KIRREL1: variants seen among roughly 807,000 people sequenced by gnomAD.
KIRREL1 encodes kirre like nephrin family adhesion molecule 1, also known as kin of IRRE-like protein 1.
Under a neutral mutation model 83.3 loss-of-function variants are expected in KIRREL1, and 25 were observed. The observed-to-expected ratio is 0.30, with a 90% CI of 0.22 to 0.42. The LOEUF is 0.42. Among genes scored for constraint, KIRREL1 ranks in the 10% least tolerant of loss-of-function variants. The pLI is 1.00. For missense variants in KIRREL1, 812 were observed against 1,032.3 expected (o/e 0.79, Z 2.92); for synonymous variants, 388 against 410.4 (o/e 0.95, Z 0.66).
At chr1:158,086,144 G>A (rs1413337121) in intron 4 of KIRREL1, among the ~76,000 whole-genome samples, 2 of 152,166 alleles carry the variant, frequency 1.3e-5, no homozygotes, top group Non-Finnish European at 2.9e-5. Flanking sequence ...CTAATGCAAG[G>A]TGTTAAGGTG....
At chr1:158,020,250 C>T (rs1659964180) in intron 1 of KIRREL1, among the ~76,000 whole-genome samples, 1 of 152,054 alleles carries the variant, frequency 6.6e-6, no homozygotes, top group Non-Finnish European at 1.5e-5. Flanking sequence ...ATTTTCTCAC[C>T]TCCATACCTA....
chr1:158,034,286 A>AG (rs60428678), intron 1 of KIRREL1, among the ~76,000 whole-genome samples: 2 of 125,704 alleles, frequency 1.6e-5, no homozygotes, highest in African/African-American at 3.2e-5. Context: ...AAAAAAAAAA[A>AG]GAAAAAAAGA....
At chr1:158,008,986 C>T (rs530495747) in intron 1 of KIRREL1, among the ~76,000 whole-genome samples, 1 of 152,214 alleles carries the variant, frequency 6.6e-6, no homozygotes, top group African/African-American at 2.4e-5. Flanking sequence ...GCTCTGCTGT[C>T]ACCTCGGGGC....
At chr1:158,058,708 T>C (rs1281866367) in intron 1 of KIRREL1, among the ~76,000 whole-genome samples, 1 of 152,134 alleles carries the variant, frequency 6.6e-6, no homozygotes, top group African/African-American at 2.4e-5. Context: ...CTCGGGGATC[T>C]TGGTTAGGGA....
At chr1:158,084,923 C>T (rs540430529) in intron 4 of KIRREL1, among the ~76,000 whole-genome samples, 1 of 152,176 alleles carries the variant, frequency 6.6e-6, no homozygotes, top group Non-Finnish European at 1.5e-5. Context: ...GGCATTATTT[C>T]CAACTCACAA....
At chr1:158,003,653 T>C (rs1048624349) in intron 1 of KIRREL1, among the ~76,000 whole-genome samples, 1 of 152,176 alleles carries the variant, frequency 6.6e-6, no homozygotes, top group Non-Finnish European at 1.5e-5. Context: ...TACATTGTGG[T>C]TGATGTTGGA....
chr1:158,051,276 T>C (rs1226921368), intron 1 of KIRREL1, among the ~76,000 whole-genome samples: 1 of 152,216 alleles, frequency 6.6e-6, no homozygotes, highest in Non-Finnish European at 1.5e-5. Context: ...CTTTCCTTCC[T>C]GTGGTCTTTC....
At chr1:157,996,038 C>T (rs1439263598) in intron 1 of KIRREL1, among the ~76,000 whole-genome samples, 3 of 116,428 alleles carry the variant, frequency 2.6e-5, no homozygotes, top group East Asian at 4.8e-4. Flanking sequence ...AGAGAGGAAA[C>T]GGAGGGGGGC....
intron 1 of KIRREL1, among the ~76,000 whole-genome samples, chr1:158,005,599 G>A (rs530117814): frequency 1.3e-5 from 2 of 152,054 alleles, no homozygotes; most frequent in East Asian, 1.9e-4. Flanking sequence ...TGGGAGATGT[G>A]GGGGAAAGAA....
In KIRREL1 at chr1:158,076,152, C is replaced by T. The variant is rs769466372; in HGVS notation, c.92C>T (p.Thr31Met). The stretch of plus-strand genomic sequence containing the variant: ...TTCAGCCAGGAGCCAGCTGACCAGA[C>T]GGTGGTGGCTGGACAGCGGGCCGTG... ...TRFSQEPADQ[T>M]VVAGQRAVLP... The change falls in exon 2 of 15, where the codon ACG becomes ATG. Residue 31 changes from threonine (T) to methionine (M), a missense_variant. Physicochemically the swap from Thr to Met is moderately conservative, Grantham distance 81. This residue lies in a region of KIRREL1 where 472 missense variants were observed against 626.8 expected (regional missense o/e 0.75). Transcript: ENST00000359209. 63 of 1,614,138 alleles carry T rather than the reference C, an allele frequency of 3.9e-5. No homozygotes were observed. The highest frequency in any genetic ancestry group is 1.8e-4 in the East Asian group (8 of 44,850).
At chr1:158,064,628 T>G (rs1558008179) in intron 1 of KIRREL1, among the ~76,000 whole-genome samples, 1 of 152,218 alleles carries the variant, frequency 6.6e-6, no homozygotes, top group Non-Finnish European at 1.5e-5. Flanking sequence ...TTAGAAAATT[T>G]TATGTGAATA....
In KIRREL1 at chr1:158,095,420, G is replaced by A. The variant is rs1662330877; in HGVS notation, c.*300G>A. The stretch of plus-strand genomic sequence containing the variant: ...AAAGTGAAGGTTAGGGAAAGCAGAG[G>A]GGGGCACTTTTTAGCATTCCCTTTC... On this transcript the variant is annotated 3_prime_UTR_variant, in exon 15 of 15. Coordinates refer to ENST00000359209, the MANE Select transcript of KIRREL1 (RefSeq NM_018240.7). 2.5e-5 allele frequency: 8 copies of A among 317,886 alleles called. No homozygotes were observed. In the Admixed American group the frequency reaches 3.3e-4, roughly 13 times the overall value. The allele number at this position is 317,886 out of a possible 1,614,324, so 19.7% of individuals were successfully genotyped here.
At chr1:158,053,490 C>CCAGACTCTT (rs1278615147) in intron 1 of KIRREL1, among the ~76,000 whole-genome samples, 1 of 152,230 alleles carries the variant, frequency 6.6e-6, no homozygotes, top group Non-Finnish European at 1.5e-5. Context: ...CTCAGCCACA[C>CCAGACTCTT]CAGACTCTTC....
intron 2 of KIRREL1, among the ~76,000 whole-genome samples, chr1:158,077,332 A>C: frequency 6.6e-6 from 1 of 152,172 alleles, no homozygotes. Context: ...ATGGAGTGAG[A>C]AGAATCGATA....
chr1:158,061,173 C>T (rs982121488), intron 1 of KIRREL1, among the ~76,000 whole-genome samples: 1 of 152,060 alleles, frequency 6.6e-6, no homozygotes, highest in Non-Finnish European at 1.5e-5. Flanking sequence ...GCAAAGGCTG[C>T]TCGTTGGAAT....
At chr1:158,091,946 GGT>G (rs2101645334) in intron 11 of KIRREL1, among the ~76,000 whole-genome samples, 1 of 152,286 alleles carries the variant, frequency 6.6e-6, no homozygotes, top group South Asian at 2.1e-4. Flanking sequence ...AGAAACTTTC[GGT>G]GTAGTGGAGG....
Position 158,086,565 on chromosome 1 carries a change from A to C in KIRREL1, c.511-31A>C, listed in dbSNP as rs554856265. On this transcript the variant is annotated intron_variant, in intron 4 of 14. Coordinates refer to ENST00000359209, the MANE Select transcript of KIRREL1 (RefSeq NM_018240.7). ...GAGCAGAGGAGGGGGCTTTTAGCTT[A>C]ACCATATCTCCCACCCTTGTCATGT... 5.7e-5 allele frequency: 89 copies of C among 1,548,562 alleles called. 1 individual carries two copies. The highest frequency in any genetic ancestry group is 7.3e-5 in the Non-Finnish European group (84 of 1,144,726).
At chr1:158,044,270 C>A (rs959060178) in intron 1 of KIRREL1, among the ~76,000 whole-genome samples, 1 of 152,088 alleles carries the variant, frequency 6.6e-6, no homozygotes, top group Non-Finnish European at 1.5e-5. Context: ...CCTCCAGAGC[C>A]AGGTCAGGCT....
rs561106732 is a variant in KIRREL1 at position 158,011,500 on chromosome 1, G to A, written c.52+17772G>A. Among the ~76,000 whole-genome samples the A allele has an allele frequency of 9.9e-5, 15 of 152,234 alleles. 1 individual carries two copies. The highest frequency in any genetic ancestry group is 2.9e-4 in the African/African-American group (12 of 41,548). On this transcript the variant is annotated intron_variant, in intron 1 of 14. Transcript: ENST00000359209. ...TGCCTCCTCTGTGCTGTGCTCTATT[G>A]GGCACTTCAGGATTCTCTCAAGGCT...
Sources: allele counts gnomAD v4.1 joint callset (sites outside exome capture counted in the v4.1 genomes callset), GRCh38; gene constraint gnomAD v4.1.1; regional missense constraint gnomAD v4.1.1; transcripts MANE v1.5; gene names NCBI Gene and HGNC (gene_info 2026-07-23, HGNC 2026-07-21).